IDO1: variants seen among roughly 807,000 people sequenced by gnomAD.
The protein encoded by IDO1 is indoleamine 2,3-dioxygenase 1, also known as indolamine 2,3 dioxygenase.
A neutral mutation model predicts 38.8 loss-of-function variants in IDO1; 35 were observed. The observed-to-expected ratio is 0.90, with a 90% CI of 0.69 to 1.20. IDO1 has a LOEUF of 1.20. IDO1 is among the 50% of genes most tolerant of loss of function. IDO1 has a pLI of 0.00. For synonymous variants in IDO1, 171 were observed against 170.0 expected (o/e 1.01, Z -0.05); for missense variants, 509 against 485.1 (o/e 1.05, Z -0.46).
At chr8:39,914,747 A>T (rs1311431121) in intron 1 of IDO1, among the ~76,000 whole-genome samples, 3 of 151,926 alleles carry the variant, frequency 2.0e-5, no homozygotes, top group African/African-American at 7.3e-5. Context: ...CCCAAAAGTT[A>T]TGTATGTTAT....
In IDO1 at chr8:39,917,978, A is replaced by G; in HGVS notation, c.183+8A>G. The G allele has an allele frequency of 1.2e-6, 2 of 1,612,126 alleles. No individual in the cohort carries two copies. The highest frequency in any genetic ancestry group is 1.7e-6 in the Non-Finnish European group (2 of 1,178,290). ...CGAGAAAGAGTTGAGAAGGTTTGAC[A>G]TATGTATTACATTTGTCTTCTTGTA... On this transcript the variant is annotated splice_region_variant and intron_variant, in intron 2 of 9. Transcript: ENST00000518237.
rs768938457 is a variant in IDO1, at chr8:39,927,922, C to T, written c.949C>T (p.Arg317Cys). The stretch of plus-strand genomic sequence containing the variant: ...CTCATTAGAGTCAAATCCCTCAGTC[C>T]GTGAGTTTGTCCTTTCAAAAGGTGA... ...LCSLESNPSVREFVLSKGDAG... is the reference protein window; with the variant it reads ...LCSLESNPSVCEFVLSKGDAG... The change falls in exon 10 of 10, where the codon CGT becomes TGT. Residue 317 changes from arginine (R) to cysteine (C), a missense_variant. Physicochemically the swap from Arg to Cys is radical, Grantham distance 180. Transcript: ENST00000518237. 2.4e-5 allele frequency: 39 copies of T among 1,607,274 alleles called. No individual in the cohort carries two copies. The East Asian group carries it at 3.6e-4, about 15-fold the overall frequency.
intron 5 of IDO1, 29 bp from the exon 6 acceptor site, chr8:39,922,523 T>C (rs1238435835): frequency 2.7e-5 from 39 of 1,463,160 alleles, no homozygotes; most frequent in Middle Eastern, 1.7e-4. Context: ...TTTGCTAAAC[T>C]TCTTGCCTTC....
chr8:39,925,324 T>A lies in IDO1; in HGVS notation c.809T>A (p.Phe270Tyr). 1 of 1,613,182 alleles carries A rather than the reference T, an allele frequency of 6.2e-7. No individual in the cohort carries two copies. The highest frequency in any genetic ancestry group is 1.1e-5 in the South Asian group (1 of 90,962). Reference sequence around the variant, plus strand: ...GGCAGTGCAGGCCAAAGCAGCGTCTTTCAGTGCTTTGACGTCCTGCTGGGC... The same window carrying A: ...GGCAGTGCAGGCCAAAGCAGCGTCTATCAGTGCTTTGACGTCCTGCTGGGC... ...AGGSAGQSSV[F>Y]QCFDVLLGIQ... is the part of the protein sequence containing the mutation. The change falls in exon 9 of 10, where the codon TTT (phenylalanine) becomes TAT (tyrosine). Residue 270 changes from phenylalanine to tyrosine, a missense_variant. Transcript: ENST00000518237.
chr8:39,914,396 T>G (rs1292581371), intron 1 of IDO1, among the ~76,000 whole-genome samples: 1 of 152,216 alleles, frequency 6.6e-6, no homozygotes, highest in Non-Finnish European at 1.5e-5. Context: ...CAGAAATCCC[T>G]TTCTCTTAGG....
chr8:39,918,020 T>C (rs1308385492), intron 2 of IDO1, 50 bp downstream of exon 2: 1 of 1,611,486 alleles, frequency 6.2e-7, no homozygotes, highest in Non-Finnish European at 8.5e-7. Flanking sequence ...CTTAACATTG[T>C]TAACTTGGTT....
intron 6 of IDO1, 62 bp from the exon 7 acceptor site, chr8:39,923,407 A>G: frequency 5.0e-6 from 2 of 400,238 alleles, no homozygotes; most frequent in Non-Finnish European, 7.5e-6. Flanking sequence ...CCGTCTCAAA[A>G]AAAAAAAAAA....
At chr8:39,918,375 T>C in intron 3 of IDO1, 168 bp downstream of exon 3, 1 of 614,640 alleles carries the variant, frequency 1.6e-6, no homozygotes, top group Non-Finnish European at 2.8e-6. Context: ...TCCACTGTTA[T>C]CATTATTATA....
rs143190992 is a variant in IDO1 at position 39,925,064 on chromosome 8, C to G, written c.708-159C>G. 8.8e-3 allele frequency among the ~76,000 whole-genome samples: 1,337 copies of G among 152,238 alleles called. 21 individuals carry two copies. Among genetic ancestry groups the G allele is most frequent in the African/African-American group, 0.03 (1,254 of 41,538 alleles). ...TCAGGATTATATTATTTACTATTCT[C>G]ATGCTTGAAAATGAGCAGGGGCAAG... On this transcript the variant is annotated intron_variant, in intron 8 of 9. Coordinates refer to ENST00000518237, the MANE Select transcript of IDO1 (RefSeq NM_002164.6).
At chr8:39,914,041 C>T (rs1397655374) in intron 1 of IDO1, 32 bp downstream of exon 1, 1 of 1,443,386 alleles carries the variant, frequency 6.9e-7, no homozygotes, top group Non-Finnish European at 9.5e-7. Flanking sequence ...TGGGAAAATG[C>T]ATTCTTCTTC....
rs371014998 is a variant in IDO1 at position 39,923,509 on chromosome 8, G to C, written c.578G>C (p.Arg193Pro). The C allele has an allele frequency of 1.9e-6, 3 of 1,612,934 alleles. No homozygotes were observed. The highest frequency in any genetic ancestry group is 1.1e-5 in the South Asian group (1 of 91,056). Residue 193 changes from arginine (R) to proline (P), a missense_variant, in exon 7 of 10, where the codon CGG becomes CCG. By Grantham distance (103) the Arg-to-Pro change is moderately radical (BLOSUM62 -2). Coordinates refer to ENST00000518237, the MANE Select transcript of IDO1 (RefSeq NM_002164.6). ...TTCAAGGCAATGCAAATGCAAGAAC[G>C]GGACACTTTGCTAAAGGCGCTGTTG... Reference protein sequence around the residue: ...TVFKAMQMQERDTLLKALLEI... With the variant: ...TVFKAMQMQEPDTLLKALLEI...
chr8:39,918,110 A>G lies in IDO1; in HGVS notation c.206A>G (p.His69Arg), dbSNP rs1288089006. 1 of 1,613,996 alleles carries G rather than the reference A, an allele frequency of 6.2e-7. No homozygotes were observed. Among genetic ancestry groups the G allele is most frequent in the Admixed American group, 1.7e-5 (1 of 60,020 alleles). Residue 69 changes from histidine (H) to arginine (R), a missense_variant, in exon 3 of 10, where the codon CAT becomes CGT. Coordinates refer to ENST00000518237, the MANE Select transcript of IDO1 (RefSeq NM_002164.6). ...CAGTTAAACATGCTCAGCATTGATC[A>G]TCTCACAGACCACAAGTCACAGCGC... is the stretch of plus-strand genomic sequence containing the variant. ...VEKLNMLSID[H>R]LTDHKSQRLA... is the part of the protein sequence containing the mutation.
chr8:39,925,005 G>C (rs757826131), intron 8 of IDO1, among the ~76,000 whole-genome samples: 3 of 152,168 alleles, frequency 2.0e-5, no homozygotes, highest in Non-Finnish European at 2.9e-5. Context: ...ACAAAGGTAA[G>C]ATTCCATTCC....
In IDO1 at chr8:39,928,776, A is replaced by G. The variant is rs1807410424; in HGVS notation, c.*591A>G. ...ATATATTCTGTCATAATAAATAAAAATGCATAAGATATAATAAATGTTGCT... is the reference window on the plus strand; with the variant it reads ...ATATATTCTGTCATAATAAATAAAAGTGCATAAGATATAATAAATGTTGCT... On this transcript the variant is annotated 3_prime_UTR_variant, in exon 10 of 10. Coordinates refer to ENST00000518237, the MANE Select transcript of IDO1 (RefSeq NM_002164.6). Among the ~76,000 whole-genome samples, 2 of 152,168 alleles carry G rather than the reference A, an allele frequency of 1.3e-5. No homozygotes were observed. Among genetic ancestry groups the G allele is most frequent in the Non-Finnish European group, 1.5e-5 (1 of 68,028 alleles).
rs192569091 is a variant in IDO1 at position 39,918,002 on chromosome 8, T to G, written c.183+32T>G. On this transcript the variant is annotated intron_variant, in intron 2 of 9. Coordinates refer to ENST00000518237, the MANE Select transcript of IDO1 (RefSeq NM_002164.6). ...CATATGTATTACATTTGTCTTCTTG[T>G]ATAGCTTCTTAACATTGTTAACTTG... The G allele has an allele frequency of 2.9e-5, 46 of 1,610,954 alleles. No individual in the cohort carries two copies. The Admixed American group carries it at 5.3e-4, about 19-fold the overall frequency.
intron 6 of IDO1, 77 bp from the exon 7 acceptor site, chr8:39,923,392 A>AG (rs1807305343): frequency 1.2e-6 from 1 of 859,810 alleles, no homozygotes; most frequent in Non-Finnish European, 1.8e-6. Flanking sequence ...CAACTGAGCG[A>AG]GACTCCGTCT....
intron 1 of IDO1, chr8:39,915,644 A>G (rs1157089316): frequency 6.6e-6 from 1 of 152,144 alleles, no homozygotes; most frequent in Admixed American, 6.5e-5. Flanking sequence ...CAGATCTACA[A>G]AAATGCTGGG....
intron 8 of IDO1, 114 bp downstream of exon 8, chr8:39,924,886 A>G: frequency 1.3e-6 from 1 of 798,136 alleles, no homozygotes; most frequent in South Asian, 1.5e-5. Flanking sequence ...ACATCCAAAA[A>G]TTCACATGGT....
chr8:39,916,983 G>A (rs1222027448), intron 1 of IDO1, among the ~76,000 whole-genome samples: 2 of 152,142 alleles, frequency 1.3e-5, no homozygotes, highest in Non-Finnish European at 1.5e-5. Context: ...TTGAAAGTTG[G>A]AAACTTCACA....
Sources: allele counts gnomAD v4.1 joint callset (sites outside exome capture counted in the v4.1 genomes callset), GRCh38; gene constraint gnomAD v4.1.1; transcripts MANE v1.5; gene names NCBI Gene and HGNC (gene_info 2026-07-23, HGNC 2026-07-21).